Variants in EVPL observed in about 807,000 individuals in gnomAD.
The protein encoded by EVPL is envoplakin.
In EVPL, 94 loss-of-function variants were observed where a neutral mutation model predicts 129.7. The ratio of observed to expected loss-of-function variants is 0.72; its 90% CI spans 0.61 to 0.86. EVPL has a LOEUF of 0.86. Among genes scored for constraint, EVPL ranks in the 40% least tolerant of loss-of-function variants. The pLI is 0.00. For synonymous variants in EVPL, 1,172 were observed against 1,191.1 expected (o/e 0.98, Z 0.33); for missense variants, 2,625 against 2,721.1 (o/e 0.96, Z 0.79).
In EVPL at chr17:76,010,037, C is replaced by T. The variant is rs749602530; in HGVS notation, c.3168G>A (p.Leu1056=). Residue 1056 remains leucine, a synonymous_variant, in exon 22 of 22, where the codon CTG becomes CTA. Coordinates refer to ENST00000301607, the MANE Select transcript of EVPL (RefSeq NM_001988.4). ...DAVISARLEG[L]KKELLALEKR... ...TCTCAAGGGCCAGTAGCTCCTTCTT[C>T]AGCCCTTCCAGCCGGGCCGAGATGA... 1 of 1,613,010 alleles carries T rather than the reference C, an allele frequency of 6.2e-7. No homozygotes were observed. Among genetic ancestry groups the T allele is most frequent in the South Asian group, 1.1e-5 (1 of 91,090 alleles).
At position 76,015,358 on chromosome 17, in the gene EVPL, C is replaced by G; in HGVS notation, c.1897G>C (p.Ala633Pro). Residue 633 changes from alanine (A) to proline (P), a missense_variant, in exon 16 of 22, where the codon GCT (alanine) becomes CCT (proline). This residue lies in a region of EVPL where 1,024 missense variants were observed against 997.5 expected (regional missense o/e 1.03). Coordinates refer to ENST00000301607, the MANE Select transcript of EVPL (RefSeq NM_001988.4). ...ATCTGCCGCTCCAGATCCAGGGCAG[C>G]CTTGGCTCTGCCGCAGAGGAGGCAA... ...LCSLYGEKAK[A>P]ALDLERQIQD... 6.2e-7 allele frequency: 1 copy of G among 1,604,016 alleles called. No homozygotes were observed.
Position 76,019,137 on chromosome 17 carries a change from A to T in EVPL, c.1138-77T>A, listed in dbSNP as rs966966897. On this transcript the variant is annotated intron_variant, in intron 10 of 21. Coordinates refer to ENST00000301607, the MANE Select transcript of EVPL (RefSeq NM_001988.4). ...GGCCACACCATACCTGTCCTTCAAA[A>T]GGCCTAGAGGCTGGCCTTCATGAAG... 4 of 1,401,212 alleles carry T rather than the reference A, an allele frequency of 2.9e-6. No individual in the cohort carries two copies. In the African/African-American group the frequency reaches 6.0e-5, roughly 21 times the overall value. 86.8% of individuals were successfully genotyped at this position (1,401,212 alleles called of 1,614,324 possible). A position where few individuals can be genotyped will look rare whatever the true frequency, so the allele number is the denominator to read the frequency against.
rs150319164 is a variant in EVPL at position 76,023,604 on chromosome 17, C to G, written c.249G>C (p.Thr83=). 8.3e-5 allele frequency: 133 copies of G among 1,609,718 alleles called. No individual in the cohort carries two copies. Among genetic ancestry groups the G allele is most frequent in the Non-Finnish European group, 1.1e-4 (130 of 1,178,766 alleles). ...QSQALQHQQE[T]GRSLKEAEVL... Reference sequence around the variant, plus strand: ...CCTCAGCCTCCTTCAGGCTGCGGCCCGTCTCCTGCTGGTGCTGCAGGGCCT... The same window carrying G: ...CCTCAGCCTCCTTCAGGCTGCGGCCGGTCTCCTGCTGGTGCTGCAGGGCCT... The change falls in exon 3 of 22, where the codon ACG becomes ACC. Residue 83 remains threonine, a synonymous_variant. Transcript: ENST00000301607.
chr17:76,021,594 A>AGG, intron 8 of EVPL, 31 bp from the exon 9 acceptor site: 3 of 1,438,590 alleles, frequency 2.1e-6, no homozygotes, highest in African/African-American at 2.3e-5. Context: ...CCCTCGGACC[A>AGG]CGCCCCCCCC....
rs1250287408 is a variant in EVPL, at chr17:76,024,293, G to A, written c.99-173C>T. 6.6e-6 allele frequency among the ~76,000 whole-genome samples: 1 copy of A among 152,318 alleles called. No homozygotes were observed. Among genetic ancestry groups the A allele is most frequent in the Non-Finnish European group, 1.5e-5 (1 of 68,020 alleles). ...CTCTGTGAGCTAGTCCTGGTTGGGG[G>A]TGTTAGCACTGCCCCGCCACATGAG... On this transcript the variant is annotated intron_variant, in intron 1 of 21. Transcript: ENST00000301607. This position sits in a 1 kb window ranked among gnomAD's most constrained non-coding sequence, Gnocchi z 4.5.
Position 76,014,591 on chromosome 17 carries a change from G to C in EVPL, c.2223-15C>G, listed in dbSNP as rs1342951936. ...CCACCTTCTCCCTGCAGGAGGACGAGGCCCAGAACAGAGATAAGACCTGCC... is the reference window on the plus strand; with the variant it reads ...CCACCTTCTCCCTGCAGGAGGACGACGCCCAGAACAGAGATAAGACCTGCC... On this transcript the variant is annotated splice_polypyrimidine_tract_variant and intron_variant, in intron 17 of 21. Transcript: ENST00000301607. The C allele has an allele frequency of 3.1e-6, 5 of 1,610,376 alleles. No individual in the cohort carries two copies. Among genetic ancestry groups the C allele is most frequent in the Non-Finnish European group, 4.2e-6 (5 of 1,179,144 alleles).
At chr17:76,021,378 C>T (rs2066455752) in intron 9 of EVPL, 90 bp downstream of exon 9, 3 of 1,235,080 alleles carry the variant, frequency 2.4e-6, no homozygotes, top group African/African-American at 1.5e-5. Flanking sequence ...TTGGGAGGTG[C>T]AGTGCCTCTC....
chr17:76,009,237 T>C lies in EVPL; in HGVS notation c.3968A>G (p.Asp1323Gly). 6.2e-7 allele frequency: 1 copy of C among 1,607,838 alleles called. No individual in the cohort carries two copies. Among genetic ancestry groups the C allele is most frequent in the Non-Finnish European group, 8.5e-7 (1 of 1,179,868 alleles). The stretch of plus-strand genomic sequence containing the variant: ...CTCTGCTTCTTTCTCCAGCACCGGG[T>C]CCTTCTCGTGGCGCACCACCTCCTT... ...VSKEVVRHEK[D>G]PVLEKEAERL... The change falls in exon 22 of 22, where the codon GAC becomes GGC. Residue 1323 changes from aspartate to glycine, a missense_variant. By Grantham distance (94) the Asp-to-Gly change is moderately conservative. Transcript: ENST00000301607. This position sits in a 1 kb window ranked among gnomAD's most constrained non-coding sequence, Gnocchi z 5.9.
chr17:76,018,197 C>A lies in EVPL; in HGVS notation c.1501G>T (p.Ala501Ser), dbSNP rs967163924. 4 of 1,551,010 alleles carry A rather than the reference C, an allele frequency of 2.6e-6. No individual in the cohort carries two copies. Among genetic ancestry groups the A allele is most frequent in the Non-Finnish European group, 3.5e-6 (4 of 1,146,912 alleles). The stretch of plus-strand genomic sequence containing the variant: ...GGCCGAAGAGACTCCACAGCACTGG[C>A]CTTCAGGCGGCTCTGGACTGTGGCC... ...KLATVQSRLK[A>S]SAVESLRPSQ... Residue 501 changes from alanine to serine, a missense_variant, in exon 13 of 22, where the codon GCC becomes TCC. Ala to Ser is a moderately conservative substitution (Grantham distance 99). Transcript: ENST00000301607.
intron 11 of EVPL, 117 bp from the exon 12 acceptor site, chr17:76,018,717 A>G: frequency 2.4e-6 from 3 of 1,270,268 alleles, no homozygotes; most frequent in Non-Finnish European, 3.2e-6. Flanking sequence ...CAGGGACAAG[A>G]GTAGGGTGGG....
In EVPL at chr17:76,007,665, T is replaced by C. The variant is rs1178518314; in HGVS notation, c.5540A>G (p.Lys1847Arg). Residue 1847 changes from lysine (K) to arginine (R), a missense_variant, in exon 22 of 22, where the codon AAG becomes AGG. Lys to Arg is a conservative substitution (Grantham distance 26). This residue lies in a region of EVPL where 1,453 missense variants were observed against 1,511.8 expected (regional missense o/e 0.96). Coordinates refer to ENST00000301607, the MANE Select transcript of EVPL (RefSeq NM_001988.4). The surrounding 1 kb of genome is among the most constrained non-coding windows in gnomAD (Gnocchi z 8.8). ...NKCSIKTAVA[K>R]NMLDPITGQK... ...CCCAGTGATGGGGTCCAGCATGTTC[T>C]TGGCCACGGCCGTCTTGATGCTGCA... 3.1e-6 allele frequency: 5 copies of C among 1,613,804 alleles called. No individual in the cohort carries two copies. In the South Asian group the frequency reaches 3.3e-5, roughly 11 times the overall value.
rs375969494 is a variant in EVPL at position 76,014,457 on chromosome 17, C to T, written c.2342G>A (p.Ser781Asn). Residue 781 changes from serine to asparagine, a missense_variant, in exon 18 of 22, where the codon AGC becomes AAC. Physicochemically the swap from Ser to Asn is conservative, Grantham distance 46. Transcript: ENST00000301607. ...CGCCTGCAGCTTGTAGGCGATCTGG[C>T]TGGGGCCGTCGCTGGGCCGCACCTG... ...RSQVRPSDGP[S>N]QIAYKLQAQK... is the part of the protein sequence containing the mutation. 6 of 1,611,542 alleles carry T rather than the reference C, an allele frequency of 3.7e-6. No individual in the cohort carries two copies. The highest frequency in any genetic ancestry group is 5.1e-6 in the Non-Finnish European group (6 of 1,179,418).
rs79450818 is a variant in EVPL at position 76,009,998 on chromosome 17, G to A, written c.3207C>T (p.Asp1069=). The change falls in exon 22 of 22, where the codon GAC becomes GAT. Residue 1069 remains aspartate, a synonymous_variant. Coordinates refer to ENST00000301607, the MANE Select transcript of EVPL (RefSeq NM_001988.4). This position sits in a 1 kb window ranked among gnomAD's most constrained non-coding sequence, Gnocchi z 5.9. ...ELLALEKREV[D]VKEKVVVKEV... ...CTTTCACCACGACCTTCTCCTTCAC[G>A]TCCACCTCCCTCTTCTCAAGGGCCA... 2,724 of 1,613,308 alleles carry A rather than the reference G, an allele frequency of 1.7e-3. 43 individuals are homozygous for A. In the African/African-American group the frequency reaches 0.032, roughly 19 times the overall value.
In EVPL at chr17:76,010,272, T is replaced by C. The variant is rs776561119; in HGVS notation, c.2933A>G (p.Gln978Arg). The C allele has an allele frequency of 6.2e-7, 1 of 1,614,000 alleles. No homozygotes were observed. The highest frequency in any genetic ancestry group is 2.2e-5 in the East Asian group (1 of 44,878). The change falls in exon 22 of 22, where the codon CAG (glutamine) becomes CGG (arginine). Residue 978 changes from glutamine (Q) to arginine (R), a missense_variant. Gln to Arg is a conservative substitution (Grantham distance 43). Around this residue, in one of 4 missense-constraint regions of EVPL, gnomAD observed 1,453 missense variants for 1,511.8 expected, o/e 0.96. Coordinates refer to ENST00000301607, the MANE Select transcript of EVPL (RefSeq NM_001988.4). ...CCGCCGCTTGCCCTCCTCCTCCACC[T>C]GGGCCTTCACCCTGGACAGGCTGCC... ...LEGSLSRVKA[Q>R]VEEEGKRRAG...
intron 20 of EVPL, 34 bp from the exon 21 acceptor site, chr17:76,011,702 G>A: frequency 1.2e-6 from 2 of 1,611,868 alleles, no homozygotes; most frequent in Non-Finnish European, 1.7e-6. Context: ...GAAGGGCAGA[G>A]TCAGCTCCTG....
chr17:76,012,981 T>C (rs2066390409), intron 18 of EVPL, among the ~76,000 whole-genome samples: 1 of 152,026 alleles, frequency 6.6e-6, no homozygotes, highest in African/African-American at 2.4e-5. Context: ...CCTGACCTTG[T>C]GATCCGCCCG....
intron 8 of EVPL, 33 bp downstream of exon 8, chr17:76,021,641 G>A (rs201679433): frequency 2.0e-6 from 1 of 510,296 alleles, no homozygotes; most frequent in East Asian, 7.4e-5. Context: ...CGCCCACCAC[G>A]TCCCTTCTCA....
chr17:76,021,009 G>A (rs2066453208), intron 9 of EVPL, among the ~76,000 whole-genome samples: 1 of 152,180 alleles, frequency 6.6e-6, no homozygotes, highest in South Asian at 2.1e-4. Flanking sequence ...TTGAGAATGT[G>A]CCCATGCCTT....
Position 76,008,122 on chromosome 17 carries a change from T to G in EVPL, c.5083A>C (p.Lys1695Gln). The change falls in exon 22 of 22, where the codon AAG (lysine) becomes CAG (glutamine). Residue 1695 changes from lysine (K) to glutamine (Q), a missense_variant. Coordinates refer to ENST00000301607, the MANE Select transcript of EVPL (RefSeq NM_001988.4). The surrounding 1 kb of genome is among the most constrained non-coding windows in gnomAD (Gnocchi z 7.4). ...KISILEPETG[K>Q]DMSPYEAYKR... Reference sequence around the variant, plus strand: ...TAGGCCTCGTATGGGGACATGTCCTTCCCCGTCTCGGGTTCCAGGATGGAG... The same window carrying G: ...TAGGCCTCGTATGGGGACATGTCCTGCCCCGTCTCGGGTTCCAGGATGGAG... 6.2e-7 allele frequency: 1 copy of G among 1,614,042 alleles called. No individual in the cohort carries two copies. The highest frequency in any genetic ancestry group is 8.5e-7 in the Non-Finnish European group (1 of 1,179,986).
Sources: allele counts gnomAD v4.1 joint callset (sites outside exome capture counted in the v4.1 genomes callset), GRCh38; gene constraint gnomAD v4.1.1; regional missense constraint gnomAD v4.1.1; non-coding constraint Gnocchi (gnomAD v3.1); transcripts MANE v1.5; gene names NCBI Gene and HGNC (gene_info 2026-07-23, HGNC 2026-07-21).